Variants in EIF2AK4 observed in about 807,000 individuals in gnomAD.
EIF2AK4 encodes eukaryotic translation initiation factor 2 alpha kinase 4, also known as eIF-2-alpha kinase GCN2.
EIF2AK4 carries 139 observed loss-of-function variants against 211.1 expected under a neutral mutation model. The observed-to-expected ratio is 0.66, with a 90% CI of 0.57 to 0.76. The LOEUF is 0.76. Among genes scored for constraint, EIF2AK4 ranks in the 30% least tolerant of loss-of-function variants. The probability of loss-of-function intolerance (pLI) is 0.00; values close to 1 mark genes in which losing one functional copy is unlikely to be tolerated. For missense variants in EIF2AK4, 1,664 were observed against 2,043.8 expected (o/e 0.81, Z 3.58); for synonymous variants, 710 against 751.3 (o/e 0.94, Z 0.90).
intron 12 of EIF2AK4, 122 bp downstream of exon 12, chr15:39,976,966 T>C: frequency 1.6e-6 from 2 of 1,252,146 alleles, no homozygotes; most frequent in Non-Finnish European, 2.1e-6. Context: ...TCTTTCCTTT[T>C]TTGAGATAGG....
chr15:39,943,049 T>G (rs1355107786), intron 2 of EIF2AK4, among the ~76,000 whole-genome samples: 1 of 150,780 alleles, frequency 6.6e-6, no homozygotes, highest in South Asian at 2.1e-4. Flanking sequence ...TTTTTTAAGG[T>G]GAAGAACTCA....
intron 3 of EIF2AK4, among the ~76,000 whole-genome samples, chr15:39,948,446 A>T (rs1391439360): frequency 6.6e-6 from 1 of 152,230 alleles, no homozygotes; most frequent in East Asian, 1.9e-4. Flanking sequence ...AGTATGATTT[A>T]TGTCTCCTGC....
intron 1 of EIF2AK4, among the ~76,000 whole-genome samples, chr15:39,936,015 A>G (rs1436682679): frequency 2.6e-5 from 4 of 152,204 alleles, no homozygotes; most frequent in African/African-American, 7.2e-5. Context: ...CAAAGTGTAC[A>G]TGGGACTCAA....
chr15:39,965,313 G>A (rs546750456), intron 7 of EIF2AK4, among the ~76,000 whole-genome samples: 5 of 131,112 alleles, frequency 3.8e-5, no homozygotes, highest in Non-Finnish European at 7.9e-5. Flanking sequence ...TAGTAGCGAC[G>A]GGGTTTCACC....
rs144299242 is a variant in EIF2AK4 at position 39,969,988 on chromosome 15, C to A, written c.1553+2109C>A. On this transcript the variant is annotated intron_variant, in intron 9 of 38. Transcript: ENST00000263791. ...TCCTACTGGCTGAGTGAATTAACCC[C>A]CTGCCCTGCGTTTCCTCCTCTGTGA... Among the ~76,000 whole-genome samples the A allele has an allele frequency of 2.6e-3, 398 of 152,290 alleles. 3 individuals are homozygous for A. The highest frequency in any genetic ancestry group is 4.8e-3 in the Non-Finnish European group (325 of 68,020).
At chr15:39,990,488 C>A (rs868391996) in intron 16 of EIF2AK4, 111 bp downstream of exon 16, 9 of 910,136 alleles carry the variant, frequency 9.9e-6, no homozygotes, top group Middle Eastern at 5.1e-4. Flanking sequence ...CCGTCTAATC[C>A]TCAGGAGATT....
chr15:39,943,351 C>CTT lies in EIF2AK4; in HGVS notation c.258-13_258-12dup, dbSNP rs5812147. On this transcript the variant is annotated intron_variant, in intron 2 of 38. Transcript: ENST00000263791. ...ACAGGCTATACTTTCTGGAGTAACT[C>CTT]TTTTTTTTTTTTTTTTTTTTGCCTT... 7,932 of 861,516 alleles carry CTT rather than the reference C, an allele frequency of 9.2e-3. 50 individuals are homozygous for CTT. Among genetic ancestry groups the CTT allele is most frequent in the African/African-American group, 0.033 (1,411 of 43,196 alleles). The allele number at this position is 861,516 out of a possible 1,614,324, so 53.4% of individuals were successfully genotyped here.
chr15:40,002,882 C>A, intron 22 of EIF2AK4, 94 bp downstream of exon 22: 2 of 1,381,352 alleles, frequency 1.4e-6, no homozygotes, highest in Admixed American at 2.0e-5. Context: ...TCATATTTTA[C>A]TTTCAAATTC....
intron 1 of EIF2AK4, among the ~76,000 whole-genome samples, chr15:39,938,856 A>G (rs765039983): frequency 6.6e-6 from 1 of 152,238 alleles, no homozygotes; most frequent in African/African-American, 2.4e-5. Context: ...CTTGTTCATT[A>G]TATACATATA....
At chr15:40,030,539 A>C in intron 35 of EIF2AK4, 83 bp downstream of exon 35, 12 of 1,340,960 alleles carry the variant, frequency 8.9e-6, no homozygotes, top group Non-Finnish European at 1.2e-5. Flanking sequence ...AATAAGATAA[A>C]CATGGAATTT....
At chr15:40,022,375 TAATA>T in intron 31 of EIF2AK4, 140 bp from the exon 32 acceptor site, 1 of 656,064 alleles carries the variant, frequency 1.5e-6, no homozygotes, top group Non-Finnish European at 2.5e-6. Flanking sequence ...GCTTCTTGCT[TAATA>T]TTTATATCCC....
rs1177054731 is a variant in EIF2AK4, at chr15:40,034,328, G to T, written c.4776G>T (p.Trp1592Cys). The change falls in exon 38 of 39, where the codon TGG becomes TGT. Residue 1592 changes from tryptophan to cysteine, a missense_variant and splice_region_variant. By Grantham distance (215) the Trp-to-Cys change is radical (BLOSUM62 -2). Transcript: ENST00000263791. ...AGTCTTATCTATTTTTTTCCTAGTG[G>T]GATGCTGATGAACAGGCATTTAACA... The part of the protein sequence containing the change: ...ETILQFLSLE[W>C]DADEQAFNTT... 6.2e-7 allele frequency: 1 copy of T among 1,611,736 alleles called. No individual in the cohort carries two copies. The highest frequency in any genetic ancestry group is 1.1e-5 in the South Asian group (1 of 90,590).
At chr15:39,996,486 C>T (rs1173136001) in intron 18 of EIF2AK4, among the ~76,000 whole-genome samples, 1 of 152,172 alleles carries the variant, frequency 6.6e-6, no homozygotes, top group African/African-American at 2.4e-5. Flanking sequence ...GGGTGAATCA[C>T]TTGAGTCCAG....
chr15:39,950,330 T>C (rs187251729), intron 4 of EIF2AK4, among the ~76,000 whole-genome samples: 1 of 152,338 alleles, frequency 6.6e-6, no homozygotes, highest in African/African-American at 2.4e-5. Context: ...TTGTGGTGTC[T>C]TGTGCCTGCA....
chr15:40,004,502 A>T (rs1375726379), intron 23 of EIF2AK4, among the ~76,000 whole-genome samples: 1 of 152,174 alleles, frequency 6.6e-6, no homozygotes, highest in African/African-American at 2.4e-5. Context: ...TGAGCCCAGT[A>T]GTTCAAGACC....
Position 40,034,373 on chromosome 15 carries a change from G to C in EIF2AK4, c.4821G>C (p.Leu1607=). The C allele has an allele frequency of 6.2e-7, 1 of 1,614,096 alleles. No individual in the cohort carries two copies. Among genetic ancestry groups the C allele is most frequent in the Non-Finnish European group, 8.5e-7 (1 of 1,179,992 alleles). The change falls in exon 38 of 39, where the codon CTG becomes CTC. Residue 1607 remains leucine (L), a synonymous_variant. Transcript: ENST00000263791. ...TTAACACAACTGTGAAGCAGCTGCT[G>C]TCACGCCTGCCAAAGCAAAGATACC... The part of the protein sequence containing the change: ...QAFNTTVKQL[L]SRLPKQRYLK...
Position 39,934,170 on chromosome 15 carries a change from C to A in EIF2AK4, c.-26C>A, listed in dbSNP as rs1192565953. The stretch of plus-strand genomic sequence containing the variant: ...GGGCCCACCGCCGCCCAGGCAAGGC[C>A]GCCCTGCCTTGGGCGCAGCGCTGCC... On this transcript the variant is annotated 5_prime_UTR_variant, in exon 1 of 39. Coordinates refer to ENST00000263791, the MANE Select transcript of EIF2AK4 (RefSeq NM_001013703.4). 1.5e-6 allele frequency: 2 copies of A among 1,376,064 alleles called. No individual in the cohort carries two copies. The highest frequency in any genetic ancestry group is 9.4e-7 in the Non-Finnish European group (1 of 1,067,374). 85.2% of individuals were successfully genotyped at this position (1,376,064 alleles called of 1,614,324 possible). A position where few individuals can be genotyped will look rare whatever the true frequency, so the allele number is the denominator to read the frequency against.
Position 40,001,225 on chromosome 15 carries a change from G to T in EIF2AK4, c.3159+1G>T. The T allele has an allele frequency of 6.2e-7, 1 of 1,612,662 alleles. No individual in the cohort carries two copies. The highest frequency in any genetic ancestry group is 8.5e-7 in the Non-Finnish European group (1 of 1,179,824). On this transcript the variant is annotated splice_donor_variant, in intron 21 of 38. Transcript: ENST00000263791. LOFTEE classifies it high-confidence loss of function. The stretch of plus-strand genomic sequence containing the variant: ...CACCTATGACAGCGACATACTGAAG[G>T]TGGGCTTAAGCCACGCTGCACAAAG...
At position 39,977,132 on chromosome 15, in the gene EIF2AK4, T is replaced by TAAAAAC. The variant is rs10664232; in HGVS notation, c.2249+305_2249+310dup. The TAAAAAC allele has an allele frequency of 0.079, 25,696 of 323,750 alleles. 1,303 individuals carry two copies. Among genetic ancestry groups the TAAAAAC allele is most frequent in the South Asian group, 0.2 (1,346 of 6,872 alleles). 20.1% of individuals were successfully genotyped at this position (323,750 alleles called of 1,614,324 possible). On this transcript the variant is annotated intron_variant, in intron 12 of 38. Transcript: ENST00000263791. ...GAAATCCAGACGTGTTGACCATGTT[T>TAAAAAC]AAAAACAAAAACAAAAACAAAACAA...
Sources: allele counts gnomAD v4.1 joint callset (sites outside exome capture counted in the v4.1 genomes callset), GRCh38; gene constraint gnomAD v4.1.1; transcripts MANE v1.5; gene names NCBI Gene and HGNC (gene_info 2026-07-23, HGNC 2026-07-21).